Variants in CADPS2 observed in about 807,000 individuals in gnomAD.
CADPS2 encodes the protein calcium dependent secretion activator 2, also known as calcium-dependent secretion activator 2.
Under a neutral mutation model 172.5 loss-of-function variants are expected in CADPS2, and 93 were observed. That is an observed-to-expected ratio of 0.54 (90% confidence interval 0.46 to 0.64). CADPS2 has a LOEUF of 0.64. Among genes scored for constraint, CADPS2 ranks in the 30% least tolerant of loss-of-function variants. The pLI is 0.00. For missense variants in CADPS2, 1,420 were observed against 1,565.9 expected (o/e 0.91, Z 1.57); for synonymous variants, 546 against 555.2 (o/e 0.98, Z 0.23).
intron 1 of CADPS2, among the ~76,000 whole-genome samples, chr7:122,831,917 T>C (rs1315136111): frequency 6.6e-6 from 1 of 152,140 alleles, no homozygotes; most frequent in East Asian, 1.9e-4. Context: ...AAAAACTATA[T>C]TTCAATACTC....
chr7:122,834,328 G>A (rs1807558856), intron 1 of CADPS2, among the ~76,000 whole-genome samples: 1 of 152,174 alleles, frequency 6.6e-6, no homozygotes, highest in Non-Finnish European at 1.5e-5. Flanking sequence ...CAAGATGGCT[G>A]AATAGGAACA....
intron 19 of CADPS2, among the ~76,000 whole-genome samples, chr7:122,411,678 T>G (rs2047338643): frequency 6.6e-6 from 1 of 151,894 alleles, no homozygotes; most frequent in South Asian, 2.1e-4. Context: ...CTGTACTTTG[T>G]TGATAATCCT....
At chr7:122,412,505 T>G (rs575924485) in intron 19 of CADPS2, among the ~76,000 whole-genome samples, 1 of 152,332 alleles carries the variant, frequency 6.6e-6, no homozygotes, top group African/African-American at 2.4e-5. Flanking sequence ...AATACGTGTG[T>G]TCACACTGAA....
chr7:122,451,062 G>C lies in CADPS2; in HGVS notation c.2288+312C>G, dbSNP rs28438469. On this transcript the variant is annotated intron_variant, in intron 15 of 29. Transcript: ENST00000449022. ...TGAGGGCTCCTTACCTGGTAATACA[G>C]AGAGCAGGAGGAACAGTCACCAGAG... Among the ~76,000 whole-genome samples, 680 of 152,294 alleles carry C rather than the reference G, an allele frequency of 4.5e-3. 3 individuals are homozygous for C. Among genetic ancestry groups the C allele is most frequent in the African/African-American group, 0.016 (660 of 41,578 alleles).
At chr7:122,652,636 GT>G (rs1264094248) in intron 3 of CADPS2, among the ~76,000 whole-genome samples, 15 of 151,882 alleles carry the variant, frequency 9.9e-5, no homozygotes, top group Non-Finnish European at 1.9e-4. Context: ...TCAGATTCTT[GT>G]ACTGTTATGC....
intron 1 of CADPS2, among the ~76,000 whole-genome samples, chr7:122,826,805 G>C (rs571030611): frequency 6.6e-6 from 1 of 151,674 alleles, no homozygotes; most frequent in Admixed American, 6.6e-5. Context: ...ATTACTGAAA[G>C]GAAAATTTGT....
chr7:122,855,253 T>C (rs1161020049), intron 1 of CADPS2, among the ~76,000 whole-genome samples: 1 of 152,198 alleles, frequency 6.6e-6, no homozygotes, highest in Non-Finnish European at 1.5e-5. Flanking sequence ...TATATCAAAT[T>C]GTGGACACGA....
intron 3 of CADPS2, among the ~76,000 whole-genome samples, chr7:122,637,706 T>C (rs2077214054): frequency 6.6e-6 from 1 of 152,200 alleles, no homozygotes; most frequent in South Asian, 2.1e-4. Flanking sequence ...GATGGGTTAA[T>C]GTGTTTGTTT....
intron 1 of CADPS2, among the ~76,000 whole-genome samples, chr7:122,849,445 G>A (rs1021032090): frequency 2.1e-4 from 32 of 152,162 alleles, no homozygotes; most frequent in African/African-American, 7.2e-4. Context: ...AAATGCCACT[G>A]CCATAGATTT....
At chr7:122,778,500 T>C (rs543287917) in intron 1 of CADPS2, among the ~76,000 whole-genome samples, 3 of 152,266 alleles carry the variant, frequency 2.0e-5, no homozygotes, top group South Asian at 4.1e-4. Context: ...CCAGGGCATA[T>C]CAGATACCTT....
In CADPS2 at chr7:122,379,383, T is replaced by C; in HGVS notation, c.3372A>G (p.Ser1124=). The C allele has an allele frequency of 1.9e-6, 3 of 1,595,808 alleles. No individual in the cohort carries two copies. Among genetic ancestry groups the C allele is most frequent in the Non-Finnish European group, 2.6e-6 (3 of 1,166,014 alleles). The change falls in exon 25 of 30, where the codon TCA becomes TCG. Residue 1124 remains serine (S), a synonymous_variant. Transcript: ENST00000449022. ...AATACATTACCTTTGAAACTAACAG[T>C]GAAATGATTTCTTTTACACTGTTGT... ...LIDNSVKEII[S]LLVSKFVSVL...
At chr7:122,396,763 G>A (rs753326713) in intron 20 of CADPS2, among the ~76,000 whole-genome samples, 5 of 152,098 alleles carry the variant, frequency 3.3e-5, no homozygotes, top group Non-Finnish European at 5.9e-5. Context: ...GGTTTCCACT[G>A]TGGTTCTTGT....
At chr7:122,456,392 T>C (rs1245558619) in intron 14 of CADPS2, among the ~76,000 whole-genome samples, 2 of 152,100 alleles carry the variant, frequency 1.3e-5, no homozygotes, top group Admixed American at 6.6e-5. Flanking sequence ...GTCTTATGTA[T>C]CAATATTTAA....
At chr7:122,596,851 T>A (rs1234692492) in intron 6 of CADPS2, among the ~76,000 whole-genome samples, 1 of 152,056 alleles carries the variant, frequency 6.6e-6, no homozygotes, top group Non-Finnish European at 1.5e-5. Flanking sequence ...TATAAAGAAA[T>A]ACCTGAGACT....
intron 2 of CADPS2, chr7:122,702,020 A>T (rs1337580147): frequency 6.2e-7 from 1 of 1,613,676 alleles, no homozygotes; most frequent in Non-Finnish European, 8.5e-7. Context: ...CCCTTCTTTG[A>T]GAACTCGCAG....
intron 1 of CADPS2, among the ~76,000 whole-genome samples, chr7:122,827,882 G>GGT (rs1186272475): frequency 6.6e-6 from 1 of 152,118 alleles, no homozygotes; most frequent in Non-Finnish European, 1.5e-5. Flanking sequence ...TCTACACTAT[G>GGT]GTGAAGTGGA....
At chr7:122,568,885 A>G (rs1414047869) in intron 7 of CADPS2, among the ~76,000 whole-genome samples, 1 of 152,202 alleles carries the variant, frequency 6.6e-6, no homozygotes, top group Non-Finnish European at 1.5e-5. Context: ...GATTAAGAGA[A>G]TAACGAGAGC....
chr7:122,847,567 A>G (rs890665365), intron 1 of CADPS2, among the ~76,000 whole-genome samples: 13 of 151,962 alleles, frequency 8.6e-5, no homozygotes, highest in African/African-American at 2.9e-4. Flanking sequence ...AATGGCCAAA[A>G]CATACAAAGC....
chr7:122,333,917 A>G (rs922543154), intron 28 of CADPS2, among the ~76,000 whole-genome samples: 2 of 151,102 alleles, frequency 1.3e-5, no homozygotes, highest in African/African-American at 4.8e-5. Flanking sequence ...TATCTATAAT[A>G]GCAGACAGGC....
Sources: gnomAD v4.1 joint callset for allele counts (sites outside exome capture counted in the v4.1 genomes callset) on GRCh38, gnomAD v4.1.1 for gene constraint, MANE v1.5 for transcripts, NCBI Gene and HGNC (gene_info 2026-07-23, HGNC 2026-07-21) for gene names.